Variants in AP5Z1 observed in about 807,000 individuals in gnomAD.
AP5Z1 encodes adaptor related protein complex 5 subunit zeta 1.
AP5Z1 carries 106 observed loss-of-function variants against 83.0 expected under a neutral mutation model. That is an observed-to-expected ratio of 1.28 (90% CI 1.09 to 1.50). The LOEUF (loss-of-function observed/expected upper bound fraction) is 1.50, where lower values mean the gene tolerates loss of function less well. Among genes scored for constraint, AP5Z1 ranks in the 40% most tolerant of loss-of-function variants. AP5Z1 has a pLI of 0.00. For missense variants in AP5Z1, 1,565 were observed against 1,094.2 expected, an observed-to-expected ratio of 1.43 and a Z score of -6.07; for synonymous variants, 751 against 514.1, an observed-to-expected ratio of 1.46 and a Z score of -6.23.
Position 4,775,730 on chromosome 7 carries a change from A to G in AP5Z1, c.15A>G (p.Gly5=), listed in dbSNP as rs1781206741. ...GCGGCGGCGTGATGTTCTCGGCAGG[A>G]GCGGAGAGTTTGCTCCACCAGGCCA... MFSA[G]AESLLHQARE... The change falls in exon 1 of 17, where the codon GGA becomes GGG. Residue 5 remains glycine, a synonymous_variant. Transcript: ENST00000649063. The G allele has an allele frequency of 1.2e-6, 2 of 1,606,094 alleles. No homozygotes were observed. The highest frequency in any genetic ancestry group is 1.7e-6 in the Non-Finnish European group (2 of 1,179,676).
chr7:4,779,954 A>C (rs1449286348), intron 1 of AP5Z1, among the ~76,000 whole-genome samples: 1 of 151,770 alleles, frequency 6.6e-6, no homozygotes, highest in East Asian at 1.9e-4. Flanking sequence ...AATTTTTTTT[A>C]TTCTTTTGTA....
intron 1 of AP5Z1, among the ~76,000 whole-genome samples, chr7:4,777,644 C>A (rs1383975057): frequency 6.6e-6 from 1 of 152,114 alleles, no homozygotes; most frequent in African/African-American, 2.4e-5. Flanking sequence ...CTGACTCGGC[C>A]CCTCGAAGTG....
In AP5Z1 at chr7:4,786,254, A is replaced by G. The variant is rs760217691; in HGVS notation, c.1137A>G (p.Glu379=). 6.2e-7 allele frequency: 1 copy of G among 1,602,112 alleles called. No individual in the cohort carries two copies. Among genetic ancestry groups the G allele is most frequent in the African/African-American group, 1.3e-5 (1 of 74,704 alleles). Residue 379 remains glutamate (E), a synonymous_variant, in exon 10 of 17, where the codon GAA becomes GAG. Transcript: ENST00000649063. ...TGGCGGGCCCTGGTCTTGCAGGGGA[A>G]GCGGCTGCAGTGGACTCGGAAGCCG... The part of the protein sequence containing the change: ...PLAHFFLSHG[E]AAAVDSEAVY...
rs760640617 is a variant in AP5Z1, at chr7:4,790,722, C to T, written c.1988C>T (p.Thr663Ile). ...YLSVTYDRRC[T>I]VEQINKFFEA... ...TCGGTGACCTACGATCGGAGGTGCACCGTGGAGCAGATCAACAAGTTCTTC... is the reference window on the plus strand; with the variant it reads ...TCGGTGACCTACGATCGGAGGTGCATCGTGGAGCAGATCAACAAGTTCTTC... The change falls in exon 16 of 17, where the codon ACC becomes ATC. Residue 663 changes from threonine to isoleucine, a missense_variant. By Grantham distance (89) the Thr-to-Ile change is moderately conservative. Transcript: ENST00000649063. 1 of 1,610,958 alleles carries T rather than the reference C, an allele frequency of 6.2e-7. No individual in the cohort carries two copies. The highest frequency in any genetic ancestry group is 8.5e-7 in the Non-Finnish European group (1 of 1,179,384).
At chr7:4,775,849 G>T in intron 1 of AP5Z1, 93 bp downstream of exon 1, 2 of 1,519,518 alleles carry the variant, frequency 1.3e-6, no homozygotes, top group Non-Finnish European at 1.8e-6. Flanking sequence ...TTGGGCGCCA[G>T]CCTTGCAGGA....
chr7:4,785,719 T>C (rs915649724), intron 9 of AP5Z1, 35 bp downstream of exon 9: 11 of 1,438,078 alleles, frequency 7.6e-6, no homozygotes, highest in Non-Finnish European at 1.0e-5. Flanking sequence ...GACTCGGGGC[T>C]CTGCTTCTGC....
intron 12 of AP5Z1, 59 bp from the exon 13 acceptor site, chr7:4,788,781 C>G (rs147804956): frequency 7.0e-7 from 1 of 1,434,138 alleles, no homozygotes; most frequent in Non-Finnish European, 9.3e-7. Context: ...GACGTGGCCC[C>G]GGCCTGCAGT....
In AP5Z1 at chr7:4,791,868, C is replaced by T. The variant is rs143609133; in HGVS notation, c.*483C>T. 7.3e-4 allele frequency: 117 copies of T among 159,252 alleles called. 1 individual carries two copies. The highest frequency in any genetic ancestry group is 2.5e-3 in the African/African-American group (105 of 41,756). The allele number at this position is 159,252 out of a possible 1,614,324, so 9.9% of individuals were successfully genotyped here. The stretch of plus-strand genomic sequence containing the variant: ...TGCCAGTCCTGGAGGCTCAGCCCGG[C>T]GTGCCACTGCTGCTACAGAAACCAG... On this transcript the variant is annotated 3_prime_UTR_variant, in exon 17 of 17. Transcript: ENST00000649063.
intron 5 of AP5Z1, 134 bp downstream of exon 5, chr7:4,783,932 G>GA: frequency 9.5e-7 from 1 of 1,049,750 alleles, no homozygotes. Context: ...CTGCTGCGGG[G>GA]CTTGGGTCAG....
intron 1 of AP5Z1, among the ~76,000 whole-genome samples, chr7:4,777,276 C>G (rs1026935463): frequency 2.6e-5 from 4 of 152,114 alleles, no homozygotes; most frequent in African/African-American, 9.7e-5. Flanking sequence ...GAAAAACACC[C>G]ACTGAGAACT....
At chr7:4,785,348 A>G in intron 7 of AP5Z1, 67 bp from the exon 8 acceptor site, 1 of 1,568,104 alleles carries the variant, frequency 6.4e-7, no homozygotes. Flanking sequence ...CCAGAGCACA[A>G]GCTGCCCCCT....
chr7:4,783,617 G>T, intron 4 of AP5Z1, 72 bp from the exon 5 acceptor site: 3 of 1,509,694 alleles, frequency 2.0e-6, no homozygotes, highest in Non-Finnish European at 2.7e-6. Flanking sequence ...GAGAAAAGTC[G>T]GCCAGCATCC....
rs1583241907 is a variant in AP5Z1 at position 4,790,503 on chromosome 7, C to T, written c.1850C>T (p.Ser617Phe). ...QFLALCTLKPSLVVELARDLL... is the reference protein window; with the variant it reads ...QFLALCTLKPFLVVELARDLL... The stretch of plus-strand genomic sequence containing the variant: ...CTGGCCCTGTGTACGCTGAAACCCT[C>T]CCTGGTGGTGGAGCTGGCAAGAGAC... The change falls in exon 15 of 17, where the codon TCC (serine) becomes TTC (phenylalanine). Residue 617 changes from serine to phenylalanine, a missense_variant. Coordinates refer to ENST00000649063, the MANE Select transcript of AP5Z1 (RefSeq NM_014855.3). 6.2e-7 allele frequency: 1 copy of T among 1,613,214 alleles called. No individual in the cohort carries two copies. Among genetic ancestry groups the T allele is most frequent in the Non-Finnish European group, 8.5e-7 (1 of 1,179,878 alleles).
chr7:4,783,306 T>C lies in AP5Z1; in HGVS notation c.367-10T>C. 6.3e-7 allele frequency: 1 copy of C among 1,598,496 alleles called. No homozygotes were observed. Among genetic ancestry groups the C allele is most frequent in the Non-Finnish European group, 8.5e-7 (1 of 1,171,958 alleles). On this transcript the variant is annotated splice_polypyrimidine_tract_variant and intron_variant, in intron 3 of 16. Transcript: ENST00000649063. ...CCAGTACCCCAGCGTTTGCCCTGTT[T>C]GATTTGAAGGGTGACAGAAACGAGG...
chr7:4,779,624 T>C (rs931714025), intron 1 of AP5Z1, among the ~76,000 whole-genome samples: 3 of 151,242 alleles, frequency 2.0e-5, no homozygotes, highest in African/African-American at 7.3e-5. Context: ...CCATGCCCAG[T>C]GAATTTTTTT....
intron 11 of AP5Z1, 75 bp from the exon 12 acceptor site, chr7:4,788,077 CGT>C: frequency 1.4e-6 from 2 of 1,450,096 alleles, no homozygotes; most frequent in Admixed American, 2.6e-5. Flanking sequence ...GGACACCTGC[CGT>C]GTGTCTCCCT....
chr7:4,787,914 G>A (rs1781606063), intron 11 of AP5Z1, 138 bp downstream of exon 11: 9 of 1,227,030 alleles, frequency 7.3e-6, no homozygotes, highest in Non-Finnish European at 7.7e-6. Flanking sequence ...GTCCTCCCCT[G>A]CAAAGCCACC....
chr7:4,785,518 G>T lies in AP5Z1; in HGVS notation c.970-4G>T, dbSNP rs559842146. 1.9e-6 allele frequency: 3 copies of T among 1,613,112 alleles called. No individual in the cohort carries two copies. The highest frequency in any genetic ancestry group is 2.2e-5 in the East Asian group (1 of 44,864). The stretch of plus-strand genomic sequence containing the variant: ...GCCCATTTGATGTGGTCCATGTCCC[G>T]CAGTGCCTGGTGGAGGCCGTGCTGG... On this transcript the variant is annotated splice_polypyrimidine_tract_variant and splice_region_variant and intron_variant, in intron 8 of 16. Transcript: ENST00000649063.
chr7:4,783,600 G>C (rs1032940513), intron 4 of AP5Z1, 89 bp from the exon 5 acceptor site: 2 of 1,519,602 alleles, frequency 1.3e-6, no homozygotes, highest in Non-Finnish European at 1.8e-6. Context: ...GCAGGATTCT[G>C]TTTTCTGAGA....
Sources: allele counts gnomAD v4.1 joint callset (sites outside exome capture counted in the v4.1 genomes callset), GRCh38; gene constraint gnomAD v4.1.1; transcripts MANE v1.5; gene names NCBI Gene and HGNC (gene_info 2026-07-23, HGNC 2026-07-21).